Variants in SLC25A21 observed in about 807,000 individuals in gnomAD.
SLC25A21 encodes mitochondrial 2-oxodicarboxylate carrier.
A neutral mutation model predicts 43.8 loss-of-function variants in SLC25A21; 47 were observed. The ratio of observed to expected loss-of-function variants is 1.07; its 90% CI spans 0.85 to 1.37. The LOEUF is 1.37. SLC25A21 is among the 40% of genes most tolerant of loss of function. The pLI is 0.00. For synonymous variants in SLC25A21, 131 were observed against 121.3 expected (o/e 1.08, Z -0.52); for missense variants, 352 against 350.2 (o/e 1.00, Z -0.04).
chr14:37,161,442 G>C (rs1234259573), intron 1 of SLC25A21, among the ~76,000 whole-genome samples: 2 of 152,174 alleles, frequency 1.3e-5, no homozygotes, highest in African/African-American at 4.8e-5. Context: ...CCATAAATTT[G>C]AGAAACACAA....
At chr14:36,751,181 T>C (rs1408366565) in intron 3 of SLC25A21, among the ~76,000 whole-genome samples, 1 of 152,204 alleles carries the variant, frequency 6.6e-6, no homozygotes, top group Non-Finnish European at 1.5e-5. Context: ...AGTAGAAATC[T>C]GGGTTGGGAT....
intron 1 of SLC25A21, among the ~76,000 whole-genome samples, chr14:36,955,639 T>C (rs7147556): frequency 0.32 from 49,025 of 152,044 alleles, 8,879 homozygotes; most frequent in Non-Finnish European, 0.39. Flanking sequence ...TAAAGATGTA[T>C]GATAAATGTG....
intron 1 of SLC25A21, among the ~76,000 whole-genome samples, chr14:37,081,449 A>G (rs1186603817): frequency 1.3e-5 from 2 of 152,172 alleles, no homozygotes; most frequent in Non-Finnish European, 2.9e-5. Context: ...CCAGCACTCA[A>G]TACACTTACA....
chr14:37,095,836 A>G (rs1284774871), intron 1 of SLC25A21, among the ~76,000 whole-genome samples: 1 of 52,528 alleles, frequency 1.9e-5, no homozygotes, highest in East Asian at 3.7e-4. Context: ...ACACACACAC[A>G]CACACACAAA....
chr14:37,056,462 G>A (rs1961830995), intron 1 of SLC25A21, among the ~76,000 whole-genome samples: 1 of 149,512 alleles, frequency 6.7e-6, no homozygotes, highest in Admixed American at 6.7e-5. Context: ...CTGCACTCCA[G>A]CCTGGGCGAC....
intron 1 of SLC25A21, among the ~76,000 whole-genome samples, chr14:37,056,120 A>G (rs1299013306): frequency 2.0e-5 from 3 of 152,120 alleles, no homozygotes; most frequent in African/African-American, 7.2e-5. Flanking sequence ...GCCTTCTGCC[A>G]TGATTGTAAG....
intron 1 of SLC25A21, among the ~76,000 whole-genome samples, chr14:36,876,934 T>C (rs563684750): frequency 6.6e-6 from 1 of 150,514 alleles, no homozygotes; most frequent in East Asian, 1.9e-4. Context: ...GATAGATAGA[T>C]AGATACACAC....
At chr14:36,759,899 C>T (rs1036816168) in intron 3 of SLC25A21, among the ~76,000 whole-genome samples, 33 of 151,984 alleles carry the variant, frequency 2.2e-4, no homozygotes, top group African/African-American at 5.3e-4. Flanking sequence ...ACCCAGGAGG[C>T]GGAGATTGCA....
intron 1 of SLC25A21, among the ~76,000 whole-genome samples, chr14:37,062,522 A>G (rs1428709013): frequency 6.6e-6 from 1 of 152,164 alleles, no homozygotes; most frequent in African/African-American, 2.4e-5. Flanking sequence ...AAATTTTATC[A>G]CATGAAGAGC....
At chr14:36,979,103 C>A (rs1048088102) in intron 1 of SLC25A21, among the ~76,000 whole-genome samples, 3 of 152,004 alleles carry the variant, frequency 2.0e-5, no homozygotes, top group Non-Finnish European at 4.4e-5. Context: ...AAACAGTTTA[C>A]TGTAAGACAA....
At chr14:37,055,701 C>T (rs1344516698) in intron 1 of SLC25A21, among the ~76,000 whole-genome samples, 1 of 152,154 alleles carries the variant, frequency 6.6e-6, no homozygotes, top group African/African-American at 2.4e-5. Context: ...AGGCCCCAGA[C>T]ATGTGAGTGA....
chr14:37,087,470 C>G (rs928453061), intron 1 of SLC25A21, among the ~76,000 whole-genome samples: 1 of 152,154 alleles, frequency 6.6e-6, no homozygotes, highest in Non-Finnish European at 1.5e-5. Context: ...GGAGCTGGTA[C>G]CATTCTGCAG....
chr14:36,906,216 A>C (rs1393083752), intron 1 of SLC25A21, among the ~76,000 whole-genome samples: 2 of 152,230 alleles, frequency 1.3e-5, no homozygotes, highest in South Asian at 4.1e-4. Context: ...AGTGATTCAA[A>C]TCTAAAGCAC....
At chr14:37,018,773 G>A (rs1205856574) in intron 1 of SLC25A21, among the ~76,000 whole-genome samples, 1 of 151,858 alleles carries the variant, frequency 6.6e-6, no homozygotes, top group African/African-American at 2.4e-5. Context: ...GCACTTAGAG[G>A]AAATCTACAC....
Position 36,933,806 on chromosome 14 carries a change from C to T in SLC25A21, c.71-58802G>A, listed in dbSNP as rs1454355067. On this transcript the variant is annotated intron_variant, in intron 1 of 9. Coordinates refer to ENST00000331299, the MANE Select transcript of SLC25A21 (RefSeq NM_030631.4). ...ATTTCTTTCTCTTTCTGGTTCTGCACTATAGATAGCCATATACAAGAGAGC... is the reference window on the plus strand; with the variant it reads ...ATTTCTTTCTCTTTCTGGTTCTGCATTATAGATAGCCATATACAAGAGAGC... Among the ~76,000 whole-genome samples, 2 of 152,158 alleles carry T rather than the reference C, an allele frequency of 1.3e-5. 1 individual carries two copies. The highest frequency in any genetic ancestry group is 6.3e-3 in the Middle Eastern group (2 of 316).
chr14:36,717,181 A>G (rs995884841), intron 6 of SLC25A21, among the ~76,000 whole-genome samples: 1 of 152,240 alleles, frequency 6.6e-6, no homozygotes, highest in Non-Finnish European at 1.5e-5. Flanking sequence ...AAGCATTTTC[A>G]TACATTTGAA....
intron 1 of SLC25A21, among the ~76,000 whole-genome samples, chr14:37,162,852 T>G (rs910207541): frequency 6.6e-6 from 1 of 152,146 alleles, no homozygotes; most frequent in Non-Finnish European, 1.5e-5. Flanking sequence ...GTATGTTTAT[T>G]GCAGCACTAT....
rs115422648 is a variant in SLC25A21, at chr14:36,766,813, A to G, written c.204-32240T>C. On this transcript the variant is annotated intron_variant, in intron 3 of 9. Coordinates refer to ENST00000331299, the MANE Select transcript of SLC25A21 (RefSeq NM_030631.4). ...ACTTTCTGGACAAGTTATATAATCT[A>G]AAGACTGAATTTTCTTGTTTCTAAG... is the stretch of plus-strand genomic sequence containing the variant. 5.2e-3 allele frequency among the ~76,000 whole-genome samples: 795 copies of G among 152,230 alleles called. 11 individuals carry two copies. Among genetic ancestry groups the G allele is most frequent in the African/African-American group, 0.019 (773 of 41,532 alleles).
intron 3 of SLC25A21, among the ~76,000 whole-genome samples, chr14:36,796,261 T>C (rs1887664871): frequency 6.6e-6 from 1 of 152,138 alleles, no homozygotes; most frequent in Non-Finnish European, 1.5e-5. Flanking sequence ...ACCATGAACA[T>C]GATGCAGAAA....
Sources: allele counts gnomAD v4.1 joint callset (sites outside exome capture counted in the v4.1 genomes callset), GRCh38; gene constraint gnomAD v4.1.1; transcripts MANE v1.5; gene names NCBI Gene and HGNC (gene_info 2026-07-23, HGNC 2026-07-21).